Variants in CSMD3 observed in about 807,000 individuals in gnomAD.
CSMD3 encodes the protein CUB and Sushi multiple domains 3, also known as CUB and sushi domain-containing protein 3.
In CSMD3, 177 loss-of-function variants were observed where a neutral mutation model predicts 435.2. The ratio of observed to expected loss-of-function variants is 0.41; its 90% CI spans 0.36 to 0.46. CSMD3 has a LOEUF of 0.46. Ranked by LOEUF, CSMD3 falls within the 20% of genes least tolerant of loss-of-function variation. The probability of loss-of-function intolerance (pLI) is 0.34; values close to 1 mark genes in which losing one functional copy is unlikely to be tolerated. For missense variants in CSMD3, 4,265 were observed against 4,504.6 expected (o/e 0.95, Z 1.52); for synonymous variants, 1,656 against 1,520.5 (o/e 1.09, Z -2.07).
intron 1 of CSMD3, among the ~76,000 whole-genome samples, chr8:113,335,891 T>C (rs1361303497): frequency 6.6e-6 from 1 of 152,052 alleles, no homozygotes; most frequent in South Asian, 2.1e-4. Context: ...ATTTAAGATG[T>C]GTATGCATGG....
chr8:113,242,961 C>T (rs1311800572), intron 3 of CSMD3, among the ~76,000 whole-genome samples: 1 of 151,760 alleles, frequency 6.6e-6, no homozygotes, highest in African/African-American at 2.4e-5. Flanking sequence ...ATTTTCACAG[C>T]CTATTTAAAG....
In CSMD3 at chr8:112,289,633, T is replaced by C. The variant is rs1819564618; in HGVS notation, c.8975-95A>G. On this transcript the variant is annotated intron_variant, in intron 56 of 70. Coordinates refer to ENST00000297405, the MANE Select transcript of CSMD3 (RefSeq NM_198123.2). ...TATAGAACATACCAGAAGTAAATGTTCTGCTGAAACATCTAAAGCCTCCAG... is the reference window on the plus strand; with the variant it reads ...TATAGAACATACCAGAAGTAAATGTCCTGCTGAAACATCTAAAGCCTCCAG... 4.8e-6 allele frequency: 4 copies of C among 831,800 alleles called. No individual in the cohort carries two copies. The African/African-American group carries it at 5.2e-5, about 11-fold the overall frequency. 51.5% of individuals were successfully genotyped at this position (831,800 alleles called of 1,614,324 possible). A position where few individuals can be genotyped will look rare whatever the true frequency, so the allele number is the denominator to read the frequency against.
chr8:112,432,217 G>A lies in CSMD3; in HGVS notation c.5396-23185C>T, dbSNP rs139404248. ...TGTAATGCAAGAGTTGGAGATTCAT[G>A]CCTATGTCATGTTGTATTGTTCTTC... On this transcript the variant is annotated intron_variant, in intron 32 of 70. Transcript: ENST00000297405. Among the ~76,000 whole-genome samples the A allele has an allele frequency of 2.4e-3, 371 of 152,232 alleles. 2 individuals carry two copies. The highest frequency in any genetic ancestry group is 7.3e-3 in the African/African-American group (305 of 41,542).
chr8:112,296,967 C>T (rs1276836762), intron 53 of CSMD3, among the ~76,000 whole-genome samples: 7 of 151,758 alleles, frequency 4.6e-5, no homozygotes, highest in African/African-American at 7.2e-5. Context: ...TATGCCAATA[C>T]ATTTTAACAC....
At chr8:113,226,483 C>T (rs916210916) in intron 3 of CSMD3, among the ~76,000 whole-genome samples, 3 of 151,524 alleles carry the variant, frequency 2.0e-5, no homozygotes, top group African/African-American at 7.3e-5. Flanking sequence ...TCTGAAAAAG[C>T]AGATGTTTGA....
chr8:113,351,445 G>C (rs1279733443), intron 1 of CSMD3, among the ~76,000 whole-genome samples: 2 of 151,792 alleles, frequency 1.3e-5, no homozygotes, highest in African/African-American at 4.8e-5. Context: ...ATGATACTAA[G>C]GAATAATGAA....
At chr8:113,290,915 C>G (rs561977814) in intron 2 of CSMD3, among the ~76,000 whole-genome samples, 3 of 151,236 alleles carry the variant, frequency 2.0e-5, no homozygotes, top group Non-Finnish European at 3.0e-5. Context: ...GTTATAAGCT[C>G]TTTTACTCTA....
chr8:112,984,697 T>C (rs2085183931), intron 6 of CSMD3, among the ~76,000 whole-genome samples: 1 of 152,072 alleles, frequency 6.6e-6, no homozygotes, highest in Non-Finnish European at 1.5e-5. Flanking sequence ...ATGGGTGAAA[T>C]ATGAAGGAAG....
At chr8:112,426,848 C>CA (rs1180994802) in intron 32 of CSMD3, among the ~76,000 whole-genome samples, 2 of 152,160 alleles carry the variant, frequency 1.3e-5, no homozygotes, top group Non-Finnish European at 2.9e-5. Flanking sequence ...CAATTATGTA[C>CA]AAAAAATAAA....
At chr8:112,983,917 T>C (rs775748228) in intron 6 of CSMD3, among the ~76,000 whole-genome samples, 4 of 152,024 alleles carry the variant, frequency 2.6e-5, no homozygotes, top group Non-Finnish European at 4.4e-5. Context: ...TAAAGTAGCC[T>C]AATAAGAAAC....
At chr8:112,341,192 T>C (rs1314390944) in intron 42 of CSMD3, among the ~76,000 whole-genome samples, 1 of 152,072 alleles carries the variant, frequency 6.6e-6, no homozygotes, top group Non-Finnish European at 1.5e-5. Context: ...CTGGCCTTGC[T>C]TATTTGCCAT....
At chr8:112,443,328 G>T (rs533120921) in intron 32 of CSMD3, among the ~76,000 whole-genome samples, 13 of 152,290 alleles carry the variant, frequency 8.5e-5, no homozygotes, top group Admixed American at 3.9e-4. Flanking sequence ...ATGGTTATTT[G>T]AGTATAATTT....
At chr8:113,126,396 A>T (rs1466469575) in intron 4 of CSMD3, among the ~76,000 whole-genome samples, 5 of 151,936 alleles carry the variant, frequency 3.3e-5, no homozygotes, top group Admixed American at 2.0e-4. Flanking sequence ...TATATCAAAA[A>T]ATATATATAT....
intron 1 of CSMD3, among the ~76,000 whole-genome samples, chr8:113,318,131 C>G (rs753779011): frequency 6.6e-6 from 1 of 152,060 alleles, no homozygotes; most frequent in Non-Finnish European, 1.5e-5. Context: ...AAGATGGAAT[C>G]CCAGAAATGG....
chr8:113,404,334 C>G (rs772742729), intron 1 of CSMD3, among the ~76,000 whole-genome samples: 3 of 151,162 alleles, frequency 2.0e-5, no homozygotes, highest in East Asian at 1.9e-4. Context: ...TTTAAAACAA[C>G]TTAATAAGCA....
chr8:112,405,293 T>C (rs1189805635), intron 35 of CSMD3, among the ~76,000 whole-genome samples: 1 of 137,730 alleles, frequency 7.3e-6, no homozygotes, highest in African/African-American at 2.7e-5. Flanking sequence ...CATACTAATA[T>C]AACTTTAATG....
chr8:112,567,491 C>T (rs1020010092), intron 24 of CSMD3, among the ~76,000 whole-genome samples: 1 of 152,002 alleles, frequency 6.6e-6, no homozygotes, highest in Non-Finnish European at 1.5e-5. Flanking sequence ...TAATATTCCA[C>T]TGGGAAAAGA....
At chr8:113,359,726 A>G (rs1396002060) in intron 1 of CSMD3, among the ~76,000 whole-genome samples, 1 of 152,256 alleles carries the variant, frequency 6.6e-6, no homozygotes, top group Admixed American at 6.5e-5. Context: ...CTTAACATTA[A>G]AAGTTTATAC....
chr8:113,173,683 C>T lies in CSMD3; in HGVS notation c.709+39G>A, dbSNP rs1253927930. 2.4e-5 allele frequency: 35 copies of T among 1,470,968 alleles called. No homozygotes were observed. In the East Asian group the frequency reaches 7.5e-4, roughly 32 times the overall value. The allele number at this position is 1,470,968 out of a possible 1,614,324, so 91.1% of individuals were successfully genotyped here. Reference sequence around the variant, plus strand: ...CAAACACATTTTTCAAATACACTGGCTGATAACAACTCTCATTTTTAAAGT... The same window carrying T: ...CAAACACATTTTTCAAATACACTGGTTGATAACAACTCTCATTTTTAAAGT... On this transcript the variant is annotated intron_variant, in intron 4 of 70. Coordinates refer to ENST00000297405, the MANE Select transcript of CSMD3 (RefSeq NM_198123.2).
Sources: gnomAD v4.1 joint callset for allele counts (sites outside exome capture counted in the v4.1 genomes callset) on GRCh38, gnomAD v4.1.1 for gene constraint, MANE v1.5 for transcripts, NCBI Gene and HGNC (gene_info 2026-07-23, HGNC 2026-07-21) for gene names.